Variants in SLC9A7 observed in about 807,000 individuals in gnomAD.
SLC9A7 encodes the protein solute carrier family 9 member A7, also known as sodium/hydrogen exchanger 7.
SLC9A7 carries 19 observed loss-of-function variants against 52.6 expected under a neutral mutation model. That is an observed-to-expected ratio of 0.36 (90% CI 0.25 to 0.53). The LOEUF (loss-of-function observed/expected upper bound fraction) is 0.53. Among genes scored for constraint, SLC9A7 ranks in the 20% least tolerant of loss-of-function variants. SLC9A7 has a pLI of 0.91. For synonymous variants in SLC9A7, 226 were observed against 252.1 expected (o/e 0.90, Z 0.98); for missense variants, 455 against 597.9 (o/e 0.76, Z 2.49).
chrX:46,660,580 C>T (rs1169818791), intron 7 of SLC9A7, among the ~76,000 whole-genome samples: 1 of 111,113 alleles, frequency 9.0e-6, no homozygotes, highest in Admixed American at 9.5e-5. Context: ...AGACACTTCT[C>T]AAAAGAAGAC....
rs1355826704 is a variant in SLC9A7, at chrX:46,606,897, G to T, written c.*55C>A. ...ACCTCCAACAACACTAGGGCTTGCA[G>T]CTGTCCTCACCCCATCGGGAGCCTA... On this transcript the variant is annotated 3_prime_UTR_variant, in exon 17 of 17. Coordinates refer to ENST00000616978, the MANE Select transcript of SLC9A7 (RefSeq NM_001257291.2). 2 of 1,201,904 alleles carry T rather than the reference G, an allele frequency of 1.7e-6. No individual in the cohort carries two copies. The highest frequency in any genetic ancestry group is 3.5e-5 in the African/African-American group (2 of 56,946).
At chrX:46,738,394 C>T (rs1921042616) in intron 1 of SLC9A7, among the ~76,000 whole-genome samples, 1 of 112,309 alleles carries the variant, frequency 8.9e-6, no homozygotes. Context: ...TGGAAATGTC[C>T]TCTTTTACGG....
intron 2 of SLC9A7, 74 bp downstream of exon 2, chrX:46,682,262 C>T: frequency 1.0e-6 from 1 of 994,431 alleles, no homozygotes; most frequent in Non-Finnish European, 1.4e-6. Context: ...AAGGATTTCT[C>T]TCCACAAGGT....
At chrX:46,631,562 G>A in intron 14 of SLC9A7, 24 bp downstream of exon 14, 1 of 1,185,356 alleles carries the variant, frequency 8.4e-7, no homozygotes, top group Non-Finnish European at 1.1e-6. Flanking sequence ...TCTTCCCCAG[G>A]AAGAAGCATC....
intron 1 of SLC9A7, among the ~76,000 whole-genome samples, chrX:46,732,295 T>C (rs1945054548): frequency 9.0e-6 from 1 of 110,716 alleles, no homozygotes; most frequent in Non-Finnish European, 1.9e-5. Context: ...CTCATGCCTG[T>C]AATCCCAGCA....
At chrX:46,753,708 G>A (rs1922401069) in intron 1 of SLC9A7, among the ~76,000 whole-genome samples, 1 of 111,874 alleles carries the variant, frequency 8.9e-6, no homozygotes, top group East Asian at 2.8e-4. Context: ...TGTGGGCCGG[G>A]CACGGTGGCT....
intron 1 of SLC9A7, among the ~76,000 whole-genome samples, chrX:46,733,369 A>G (rs1200358605): frequency 8.9e-6 from 1 of 112,132 alleles, no homozygotes; most frequent in East Asian, 2.8e-4. Flanking sequence ...ATACTAAAGG[A>G]AGTCTTTTAG....
At chrX:46,725,820 T>A in intron 1 of SLC9A7, 1 of 644,701 alleles carries the variant, frequency 1.6e-6, no homozygotes, top group African/African-American at 2.1e-5. Flanking sequence ...TTGGTTGATC[T>A]TGAGCGGCCG....
rs1429504242 is a variant in SLC9A7 at position 46,656,652 on chromosome X, C to T, written c.1042-2938G>A. 4.3e-3 allele frequency among the ~76,000 whole-genome samples: 443 copies of T among 102,441 alleles called. 4 individuals carry two copies. The highest frequency in any genetic ancestry group is 0.015 in the African/African-American group (414 of 27,652). 89.0% of individuals were successfully genotyped at this position (102,441 alleles called of 115,157 possible). On this transcript the variant is annotated intron_variant, in intron 7 of 16. Transcript: ENST00000616978. ...GGAAGATGAAATGAATGAAATGAAG[C>T]GAGAAAGGAAGTTTAGAGAAAAAAG...
chrX:46,725,580 C>T (rs11540560), intron 1 of SLC9A7: 6 of 999,754 alleles, frequency 6.0e-6, no homozygotes, highest in African/African-American at 3.8e-5. Flanking sequence ...GGCAAGATTG[C>T]CCTGCTGCTG....
intron 14 of SLC9A7, among the ~76,000 whole-genome samples, chrX:46,625,518 T>A (rs1943112444): frequency 9.1e-6 from 1 of 109,960 alleles, no homozygotes; most frequent in Non-Finnish European, 1.9e-5. Flanking sequence ...AAGACCAGCC[T>A]GGCCATCATG....
At chrX:46,696,722 T>G (rs1180857115) in intron 1 of SLC9A7, among the ~76,000 whole-genome samples, 1 of 111,292 alleles carries the variant, frequency 9.0e-6, no homozygotes, top group African/African-American at 3.3e-5. Context: ...AAAGAGCAGA[T>G]AAACAAAAAC....
intron 5 of SLC9A7, among the ~76,000 whole-genome samples, chrX:46,669,229 T>TA (rs890900520): frequency 1.5e-4 from 16 of 104,993 alleles, no homozygotes; most frequent in Non-Finnish European, 3.1e-4. Context: ...TTTACAACAA[T>TA]AAAAAAAAAT....
In SLC9A7 at chrX:46,695,266, G is replaced by A. The variant is rs181039521; in HGVS notation, c.326-12731C>T. Among the ~76,000 whole-genome samples, 4 of 112,558 alleles carry A rather than the reference G, an allele frequency of 3.6e-5. No individual in the cohort carries two copies. In the East Asian group the frequency reaches 1.1e-3, roughly 31 times the overall value. ...AAATGAATCTAGAGATCGCATGTGC[G>A]ATCCTTTTCCAGTACTAGTGTTCCA... On this transcript the variant is annotated intron_variant, in intron 1 of 16. Coordinates refer to ENST00000616978, the MANE Select transcript of SLC9A7 (RefSeq NM_001257291.2).
At chrX:46,633,900 G>C (rs1330866495) in intron 13 of SLC9A7, among the ~76,000 whole-genome samples, 1 of 111,046 alleles carries the variant, frequency 9.0e-6, no homozygotes, top group Non-Finnish European at 1.9e-5. Flanking sequence ...TCGAACTCCT[G>C]ACTTCAGGTG....
At chrX:46,706,696 T>C (rs1255022170) in intron 1 of SLC9A7, among the ~76,000 whole-genome samples, 1 of 111,324 alleles carries the variant, frequency 9.0e-6, no homozygotes, top group Non-Finnish European at 1.9e-5. Flanking sequence ...TACCTGGGAG[T>C]TATCCTTATG....
chrX:46,652,857 T>A (rs1374084094), intron 8 of SLC9A7, among the ~76,000 whole-genome samples: 1 of 111,854 alleles, frequency 8.9e-6, no homozygotes, highest in Non-Finnish European at 1.9e-5. Context: ...AAAGCAATGA[T>A]TAAATAGCCC....
chrX:46,629,923 T>C (rs1458129113), intron 14 of SLC9A7, among the ~76,000 whole-genome samples: 1 of 111,687 alleles, frequency 9.0e-6, no homozygotes, highest in Non-Finnish European at 1.9e-5. Context: ...TAGAGTCAAA[T>C]AGCAAATTTT....
At chrX:46,624,749 G>A (rs1943097322) in intron 14 of SLC9A7, among the ~76,000 whole-genome samples, 1 of 112,187 alleles carries the variant, frequency 8.9e-6, no homozygotes, top group South Asian at 3.6e-4. Flanking sequence ...ACATCATTTG[G>A]CTATCTTGTG....
Sources: gnomAD v4.1 joint callset for allele counts (sites outside exome capture counted in the v4.1 genomes callset) on GRCh38, gnomAD v4.1.1 for gene constraint, MANE v1.5 for transcripts, NCBI Gene and HGNC (gene_info 2026-07-23, HGNC 2026-07-21) for gene names.